HIVEP3: variants seen among roughly 807,000 people sequenced by gnomAD.
HIVEP3 encodes the protein transcription factor HIVEP3.
HIVEP3 carries 49 observed loss-of-function variants against 152.8 expected under a neutral mutation model. That is an observed-to-expected ratio of 0.32 (90% CI 0.26 to 0.41). The LOEUF (loss-of-function observed/expected upper bound fraction) is 0.41. HIVEP3 is among the 10% of genes least tolerant of loss of function. The pLI, the probability that HIVEP3 is intolerant of heterozygous loss-of-function variation, is 1.00. For missense variants in HIVEP3, 2,790 were observed against 3,103.3 expected, an observed-to-expected ratio of 0.90 and a Z score of 2.40; for synonymous variants, 1,269 against 1,289.0, an observed-to-expected ratio of 0.98 and a Z score of 0.33.
chr1:41,550,592 TC>T (rs1395270608), intron 5 of HIVEP3, among the ~76,000 whole-genome samples: 1 of 152,212 alleles, frequency 6.6e-6, no homozygotes, highest in African/African-American at 2.4e-5. Flanking sequence ...GTCCTTCACA[TC>T]CCTTGTAGGT....
intron 1 of HIVEP3, among the ~76,000 whole-genome samples, chr1:41,770,016 T>C (rs1648247077): frequency 6.6e-6 from 1 of 152,240 alleles, no homozygotes; most frequent in South Asian, 2.1e-4. Flanking sequence ...TTGCCCAGGC[T>C]GGAGTGCAGT....
intron 1 of HIVEP3, among the ~76,000 whole-genome samples, chr1:41,956,348 G>T (rs1266446287): frequency 6.6e-6 from 1 of 152,212 alleles, no homozygotes. Context: ...TTTCGTGTAT[G>T]AAACGGTCCA....
chr1:41,612,904 C>T (rs1026255056), intron 3 of HIVEP3, among the ~76,000 whole-genome samples: 1 of 152,192 alleles, frequency 6.6e-6, no homozygotes, highest in African/African-American at 2.4e-5. Context: ...CTCAGAAGAA[C>T]CGATAAACCA....
At chr1:41,813,182 C>T (rs1164077156) in intron 1 of HIVEP3, among the ~76,000 whole-genome samples, 1 of 152,116 alleles carries the variant, frequency 6.6e-6, no homozygotes, top group East Asian at 1.9e-4. Context: ...CCTTCATTTT[C>T]GAGATGAGGG....
chr1:41,658,581 C>T (rs193123026), intron 2 of HIVEP3, among the ~76,000 whole-genome samples: 99 of 152,204 alleles, frequency 6.5e-4, no homozygotes, highest in South Asian at 2.1e-3. Context: ...CTTCACCCCC[C>T]CCATGAGCCT....
chr1:41,899,665 T>C (rs1644589258), intron 1 of HIVEP3, among the ~76,000 whole-genome samples: 3 of 152,214 alleles, frequency 2.0e-5, no homozygotes. Context: ...TCATCCATTA[T>C]ACATCATTTA....
chr1:41,541,328 CAA>C (rs1643526455), intron 5 of HIVEP3, among the ~76,000 whole-genome samples: 1 of 152,352 alleles, frequency 6.6e-6, no homozygotes, highest in South Asian at 2.1e-4. Flanking sequence ...TTTCCCAACT[CAA>C]AGTGGGTTTT....
chr1:41,578,163 G>A (rs7550496), intron 4 of HIVEP3, among the ~76,000 whole-genome samples: 106,998 of 152,156 alleles, frequency 0.7, 38,535 homozygotes, highest in East Asian at 0.98. Context: ...CCTCTCTTGT[G>A]TTTTGGTCTC....
At chr1:41,829,831 TC>T (rs1292544638) in intron 1 of HIVEP3, among the ~76,000 whole-genome samples, 2 of 152,094 alleles carry the variant, frequency 1.3e-5, no homozygotes, top group African/African-American at 4.8e-5. Context: ...TTCTTAACTT[TC>T]TCTTATAATT....
intron 1 of HIVEP3, among the ~76,000 whole-genome samples, chr1:42,005,549 C>T (rs1014883242): frequency 2.0e-5 from 3 of 152,154 alleles, no homozygotes; most frequent in African/African-American, 7.2e-5. Context: ...CGATGGGGGG[C>T]TACCTTTATA....
chr1:41,915,132 C>G (rs753343863), intron 1 of HIVEP3, among the ~76,000 whole-genome samples: 13 of 79,418 alleles, frequency 1.6e-4, no homozygotes, highest in Admixed American at 1.1e-3. Flanking sequence ...CTCTAAGAAT[C>G]ATGCAAAAAA....
At chr1:42,001,995 A>G (rs1645431024) in intron 1 of HIVEP3, among the ~76,000 whole-genome samples, 1 of 152,106 alleles carries the variant, frequency 6.6e-6, no homozygotes, top group Non-Finnish European at 1.5e-5. Context: ...CCTGCCTGTA[A>G]TCACTAAAAG....
chr1:42,015,805 A>G (rs115003112), intron 1 of HIVEP3, among the ~76,000 whole-genome samples: 3,141 of 152,340 alleles, frequency 0.021, 64 homozygotes, highest in Non-Finnish European at 0.025. Flanking sequence ...ACTAAGAGAA[A>G]CCAGAGGGAT....
intron 5 of HIVEP3, among the ~76,000 whole-genome samples, chr1:41,528,622 C>T (rs1306381788): frequency 3.7e-5 from 4 of 109,462 alleles, no homozygotes; most frequent in Non-Finnish European, 5.7e-5. Context: ...CACTCACACC[C>T]CACCCTCACA....
At chr1:41,733,733 A>G (rs1646876665) in intron 1 of HIVEP3, among the ~76,000 whole-genome samples, 1 of 152,228 alleles carries the variant, frequency 6.6e-6, no homozygotes. Flanking sequence ...AAGGGACTGG[A>G]AAGAGGAAAG....
In HIVEP3 at chr1:41,534,140, C is replaced by A. The variant is rs114530480; in HGVS notation, c.5208-9230G>T. Among the ~76,000 whole-genome samples the A allele has an allele frequency of 3.0e-3, 452 of 152,304 alleles. 4 individuals carry two copies. The highest frequency in any genetic ancestry group is 0.01 in the African/African-American group (423 of 41,546). ...GGCCACCACCCTCTCTCCTATACCA[C>A]TGCCTCCTTTCTTCACAAAACAGCC... On this transcript the variant is annotated intron_variant, in intron 5 of 8. Transcript: ENST00000372583.
chr1:41,961,769 T>G (rs549463242), intron 1 of HIVEP3, among the ~76,000 whole-genome samples: 1 of 152,276 alleles, frequency 6.6e-6, no homozygotes, highest in Admixed American at 6.5e-5. Context: ...AATAGGATAC[T>G]TCTTAACTTG....
chr1:41,749,231 G>A (rs1221658859), intron 1 of HIVEP3, among the ~76,000 whole-genome samples: 1 of 152,152 alleles, frequency 6.6e-6, no homozygotes, highest in Admixed American at 6.5e-5. Context: ...TTCACACTTG[G>A]CACTCCTGGT....
chr1:41,969,454 G>A (rs1419107037), intron 1 of HIVEP3, among the ~76,000 whole-genome samples: 1 of 152,122 alleles, frequency 6.6e-6, no homozygotes, highest in Non-Finnish European at 1.5e-5. Context: ...AACAAGCAAT[G>A]GGGACAGAAT....
Sources: allele counts gnomAD v4.1 joint callset (sites outside exome capture counted in the v4.1 genomes callset), GRCh38; gene constraint gnomAD v4.1.1; transcripts MANE v1.5; gene names NCBI Gene and HGNC (gene_info 2026-07-23, HGNC 2026-07-21).